BCL11A: variants seen among roughly 807,000 people sequenced by gnomAD.
BCL11A encodes the protein BCL11 transcription factor A.
BCL11A carries 2 observed loss-of-function variants against 55.9 expected under a neutral mutation model. The ratio of observed to expected loss-of-function variants is 0.04; its 90% CI spans 0.01 to 0.11. The LOEUF is 0.11. Among genes scored for constraint, BCL11A ranks in the 10% least tolerant of loss-of-function variants. BCL11A has a pLI of 1.00. For synonymous variants in BCL11A, 465 were observed against 473.4 expected, an observed-to-expected ratio of 0.98 and a Z score of 0.23; for missense variants, 817 against 1,137.1, an observed-to-expected ratio of 0.72 and a Z score of 4.05.
Position 60,553,261 on chromosome 2 carries a change from G to T in BCL11A, c.10C>A (p.Arg4Ser). Residue 4 changes from arginine (R) to serine (S), a missense_variant, in exon 1 of 4, where the codon CGC becomes AGC. Physicochemically the swap from Arg to Ser is moderately radical, Grantham distance 110. Transcript: ENST00000642384. Reference protein sequence around the residue: MSRRKQGKPQHLSK... With the variant: MSRSKQGKPQHLSK... ...AAGTGCTGGGGTTTGCCTTGCTTGC[G>T]GCGAGACATGGTGGGCTGCGGGGCG... The T allele has an allele frequency of 1.9e-6, 3 of 1,588,942 alleles. No homozygotes were observed. Among genetic ancestry groups the T allele is most frequent in the Non-Finnish European group, 8.5e-7 (1 of 1,172,190 alleles).
Position 60,459,062 on chromosome 2 carries a change from G to A in BCL11A, c.*1342C>T. 1 of 1,013,958 alleles carries A rather than the reference G, an allele frequency of 9.9e-7. No homozygotes were observed. Among genetic ancestry groups the A allele is most frequent in the Non-Finnish European group, 1.2e-6 (1 of 843,348 alleles). 62.8% of individuals were successfully genotyped at this position (1,013,958 alleles called of 1,614,324 possible). ...TAAGAATTCATAGTTAATCATCATT[G>A]TATCAATATTAGCTTATATACCTGT... On this transcript the variant is annotated 3_prime_UTR_variant, in exon 4 of 4. Transcript: ENST00000642384.
intron 3 of BCL11A, among the ~76,000 whole-genome samples, chr2:60,467,836 G>A (rs866674834): frequency 6.8e-5 from 8 of 118,314 alleles, no homozygotes; most frequent in African/African-American, 1.6e-4. Context: ...TGATGGTGGT[G>A]GTGGTGGTGA....
In BCL11A at chr2:60,458,439, T is replaced by C. The variant is rs1676049312; in HGVS notation, c.*1965A>G. ...AGTGTTTTTTAAAAAAAATTTTTCT[T>C]AACATTTATATTTAAAAAAGTTTTG... On this transcript the variant is annotated 3_prime_UTR_variant, in exon 4 of 4. Transcript: ENST00000642384. The C allele has an allele frequency of 9.8e-7, 1 of 1,021,790 alleles. No homozygotes were observed. The highest frequency in any genetic ancestry group is 4.6e-5 in the South Asian group (1 of 21,576). The allele number at this position is 1,021,790 out of a possible 1,614,324, so 63.3% of individuals were successfully genotyped here.
Position 60,479,566 on chromosome 2 carries a change from C to G in BCL11A, c.386-10733G>C, listed in dbSNP as rs1330168174. Among the ~76,000 whole-genome samples, 4 of 152,232 alleles carry G rather than the reference C, an allele frequency of 2.6e-5. No individual in the cohort carries two copies. In the South Asian group the frequency reaches 6.2e-4, roughly 24 times the overall value. ...GCTGGGTAGAAAGCCCCCTCTGTCA[C>G]CGGCCCACAGATCTCAGCTGCCATC... is the stretch of plus-strand genomic sequence containing the variant. On this transcript the variant is annotated intron_variant, in intron 2 of 3. Coordinates refer to ENST00000642384, the MANE Select transcript of BCL11A (RefSeq NM_022893.4).
chr2:60,478,974 T>TG (rs1268246375), intron 2 of BCL11A, among the ~76,000 whole-genome samples: 6 of 151,786 alleles, frequency 4.0e-5, no homozygotes, highest in Non-Finnish European at 5.9e-5. Flanking sequence ...TTTTGTTTTT[T>TG]TTTTTTCCCT....
Position 60,471,119 on chromosome 2 carries a change from AC to A in BCL11A, c.386-2287del, listed in dbSNP as rs1677169950. Among the ~76,000 whole-genome samples, 3 of 152,330 alleles carry A rather than the reference AC, an allele frequency of 2.0e-5. No individual in the cohort carries two copies. The South Asian group carries it at 6.2e-4, about 32-fold the overall frequency. The stretch of plus-strand genomic sequence containing the variant: ...GGGGAGGGTCCAGCCCAGCAGCGCT[AC>A]ATGGGGCTTTCGAAAGGTGCCAATG... On this transcript the variant is annotated intron_variant, in intron 2 of 3. Transcript: ENST00000642384.
chr2:60,473,453 C>T (rs1486325489), intron 2 of BCL11A, among the ~76,000 whole-genome samples: 2 of 152,036 alleles, frequency 1.3e-5, no homozygotes, highest in African/African-American at 4.8e-5. Flanking sequence ...TCCTCAAGTC[C>T]CTCAGCTCTT....
In BCL11A at chr2:60,467,992, A is replaced by T. The variant is rs942894794; in HGVS notation, c.487+740T>A. Among the ~76,000 whole-genome samples the T allele has an allele frequency of 3.6e-3, 12 of 3,350 alleles. 1 individual carries two copies. The highest frequency in any genetic ancestry group is 9.2e-3 in the African/African-American group (9 of 980). 2.2% of individuals were successfully genotyped at this position (3,350 alleles called of 152,430 possible). ...TGGTGGTGGTAGTGATGGTGGTGGT[A>T]ATGGTGGTGGTGGTGATGGTGGTGG... On this transcript the variant is annotated intron_variant, in intron 3 of 3. Transcript: ENST00000642384.
intron 1 of BCL11A, chr2:60,549,661 G>C (rs1670312439): frequency 6.6e-6 from 1 of 152,248 alleles, no homozygotes; most frequent in African/African-American, 2.4e-5. Flanking sequence ...CAGGGGCCCT[G>C]ACTGCTGCCT....
chr2:60,532,318 T>G (rs545811195), intron 2 of BCL11A, among the ~76,000 whole-genome samples: 6 of 151,416 alleles, frequency 4.0e-5, no homozygotes, highest in Admixed American at 3.9e-4. Flanking sequence ...TGTTGCTTTT[T>G]GGTTTTTGGG....
chr2:60,499,078 C>T (rs942754628), intron 2 of BCL11A, among the ~76,000 whole-genome samples: 6 of 152,210 alleles, frequency 3.9e-5, no homozygotes, highest in African/African-American at 1.4e-4. Context: ...CCATTTCTCG[C>T]TGGCTTTTCT....
At position 60,459,486 on chromosome 2, in the gene BCL11A, A is replaced by T; in HGVS notation, c.*918T>A. On this transcript the variant is annotated 3_prime_UTR_variant, in exon 4 of 4. Coordinates refer to ENST00000642384, the MANE Select transcript of BCL11A (RefSeq NM_022893.4). ...TGGTATAATCAGTTTTGTTTATAAA[A>T]TTAAACTAAAGGAAAAATGATGATT... 2.0e-6 allele frequency: 2 copies of T among 1,021,130 alleles called. No homozygotes were observed. The highest frequency in any genetic ancestry group is 2.4e-6 in the Non-Finnish European group (2 of 850,668). The allele number at this position is 1,021,130 out of a possible 1,614,324, so 63.3% of individuals were successfully genotyped here. A position where few individuals can be genotyped will look rare whatever the true frequency, so the allele number is the denominator to read the frequency against.
chr2:60,529,532 C>T (rs920708220), intron 2 of BCL11A, among the ~76,000 whole-genome samples: 5 of 152,188 alleles, frequency 3.3e-5, no homozygotes, highest in East Asian at 3.9e-4. Context: ...TCTGTCCCTC[C>T]TCCCTTTCTT....
chr2:60,529,708 C>T (rs1669362807), intron 2 of BCL11A, among the ~76,000 whole-genome samples: 2 of 152,200 alleles, frequency 1.3e-5, no homozygotes, highest in African/African-American at 4.8e-5. Flanking sequence ...GAAATCCTGC[C>T]TCCCTTATGA....
At chr2:60,518,792 C>A (rs761573524) in intron 2 of BCL11A, among the ~76,000 whole-genome samples, 2 of 152,174 alleles carry the variant, frequency 1.3e-5, no homozygotes, top group Non-Finnish European at 2.9e-5. Flanking sequence ...AAGGACTCAT[C>A]AATTACTGTT....
rs772387514 is a variant in BCL11A at position 60,460,476 on chromosome 2, G to C, written c.2436C>G (p.Tyr812Ter). 1 of 1,613,940 alleles carries C rather than the reference G, an allele frequency of 6.2e-7. No individual in the cohort carries two copies. The highest frequency in any genetic ancestry group is 8.5e-7 in the Non-Finnish European group (1 of 1,179,950). The change falls in exon 4 of 4, where the codon TAC becomes TAG. Residue 812 changes from tyrosine (Y) to a stop codon, truncating the protein, a stop_gained. Transcript: ENST00000642384. LOFTEE classifies it high-confidence loss of function. The stretch of plus-strand genomic sequence containing the variant: ...TTTTCATGTGTTTCTCCAGGGTACT[G>C]TACACGCTAAAAGGCATCTTACAAA... The part of the protein sequence containing the change: ...CEICKMPFSV[Y>*]STLEKHMKKW...
Position 60,459,805 on chromosome 2 carries a change from AT to A in BCL11A, c.*598del. The A allele has an allele frequency of 9.6e-7, 1 of 1,043,426 alleles. No homozygotes were observed. Among genetic ancestry groups the A allele is most frequent in the Admixed American group, 5.6e-5 (1 of 17,976 alleles). 64.6% of individuals were successfully genotyped at this position (1,043,426 alleles called of 1,614,324 possible). On this transcript the variant is annotated 3_prime_UTR_variant, in exon 4 of 4. Coordinates refer to ENST00000642384, the MANE Select transcript of BCL11A (RefSeq NM_022893.4). ...CCCTTTAGAGACAGACATTTAGCTC[AT>A]AGAGATTTTTTTTCAGTGCTATCTA...
rs1670504457 is a variant in BCL11A at position 60,553,415 on chromosome 2, T to A, written c.-145A>T. The A allele has an allele frequency of 7.0e-6, 4 of 572,168 alleles. No homozygotes were observed. The highest frequency in any genetic ancestry group is 1.1e-5 in the Non-Finnish European group (4 of 366,610). 35.4% of individuals were successfully genotyped at this position (572,168 alleles called of 1,614,324 possible). A position where few individuals can be genotyped will look rare whatever the true frequency, so the allele number is the denominator to read the frequency against. ...GTGCCTTTTGACATCCAAAATAAATTAGAAATAATACAAAGATGGCGCAGG... is the reference window on the plus strand; with the variant it reads ...GTGCCTTTTGACATCCAAAATAAATAAGAAATAATACAAAGATGGCGCAGG... On this transcript the variant is annotated 5_prime_UTR_variant, in exon 1 of 4. An upstream open reading frame in the 5' UTR loses its in-frame stop. Coordinates refer to ENST00000642384, the MANE Select transcript of BCL11A (RefSeq NM_022893.4).
intron 2 of BCL11A, among the ~76,000 whole-genome samples, chr2:60,482,253 C>G (rs889381461): frequency 1.3e-5 from 2 of 151,810 alleles, no homozygotes; most frequent in African/African-American, 2.4e-5. Flanking sequence ...AAAATTGGAG[C>G]TGTATTTCTG....
Sources: allele counts gnomAD v4.1 joint callset (sites outside exome capture counted in the v4.1 genomes callset), GRCh38; gene constraint gnomAD v4.1.1; transcripts MANE v1.5; gene names NCBI Gene and HGNC (gene_info 2026-07-23, HGNC 2026-07-21).